The following CSMD3 variants were observed in gnomAD, a reference collection of about 807,000 sequenced individuals.
CSMD3 encodes CUB and sushi domain-containing protein 3.
Under a neutral mutation model 435.2 loss-of-function variants are expected in CSMD3, and 177 were observed. The observed-to-expected ratio is 0.41, with a 90% CI of 0.36 to 0.46. The LOEUF is 0.46. CSMD3 is among the 20% of genes least tolerant of loss of function. The pLI is 0.34. For missense variants in CSMD3, 4,265 were observed against 4,504.6 expected, an observed-to-expected ratio of 0.95 and a Z score of 1.52; for synonymous variants, 1,656 against 1,520.5, an observed-to-expected ratio of 1.09 and a Z score of -2.07.
At chr8:113,274,872 C>CAGGG (rs538237366) in intron 3 of CSMD3, among the ~76,000 whole-genome samples, 12 of 98,724 alleles carry the variant, frequency 1.2e-4, no homozygotes, top group South Asian at 7.6e-4. Context: ...AGGAAGGAAG[C>CAGGG]AGGGAGGGAG....
intron 13 of CSMD3, among the ~76,000 whole-genome samples, chr8:112,728,847 T>C (rs946842026): frequency 6.6e-6 from 1 of 152,098 alleles, no homozygotes; most frequent in Admixed American, 6.6e-5. Flanking sequence ...CCATACAATA[T>C]CTATATGTAC....
intron 10 of CSMD3, among the ~76,000 whole-genome samples, chr8:112,894,631 A>G (rs1179174901): frequency 6.6e-6 from 1 of 151,360 alleles, no homozygotes; most frequent in Non-Finnish European, 1.5e-5. Flanking sequence ...TCTGATATAT[A>G]TAATTCAATA....
chr8:113,085,249 A>C (rs1224258527), intron 5 of CSMD3, among the ~76,000 whole-genome samples: 4 of 149,286 alleles, frequency 2.7e-5, no homozygotes, highest in African/African-American at 5.1e-5. Context: ...CCAAAAAAAA[A>C]CCACCCACAA....
chr8:112,694,027 T>A (rs960788820), intron 13 of CSMD3, among the ~76,000 whole-genome samples: 5 of 150,496 alleles, frequency 3.3e-5, no homozygotes, highest in African/African-American at 1.2e-4. Flanking sequence ...TTAATGACTT[T>A]AATGATTGTT....
At chr8:112,234,619 A>G in intron 67 of CSMD3, 142 bp from the exon 68 acceptor site, 3 of 648,860 alleles carry the variant, frequency 4.6e-6, no homozygotes, top group Non-Finnish European at 2.7e-6. Flanking sequence ...AGGATGGCTT[A>G]ACCTATAATG....
intron 1 of CSMD3, among the ~76,000 whole-genome samples, chr8:113,315,609 A>G (rs1325878375): frequency 3.4e-5 from 5 of 148,666 alleles, no homozygotes; most frequent in African/African-American, 7.3e-5. Flanking sequence ...TATTAAATAT[A>G]TATCTCAAAT....
intron 38 of CSMD3, among the ~76,000 whole-genome samples, chr8:112,365,946 G>T (rs1052134760): frequency 6.6e-6 from 1 of 152,096 alleles, no homozygotes; most frequent in African/African-American, 2.4e-5. Flanking sequence ...AAACTTTTGT[G>T]CCCAGATCAG....
intron 32 of CSMD3, among the ~76,000 whole-genome samples, chr8:112,461,754 A>G (rs561866381): frequency 6.6e-6 from 1 of 152,304 alleles, no homozygotes; most frequent in African/African-American, 2.4e-5. Context: ...TACAGAGAAG[A>G]ATGTAGCATG....
chr8:113,070,862 G>A lies in CSMD3; in HGVS notation c.917+27894C>T, dbSNP rs149115832. Reference sequence around the variant, plus strand: ...AGATGTGAGATTGCTGGATCATATAGTAATTCTACTTACAATTTTTTGAGG... The same window carrying A: ...AGATGTGAGATTGCTGGATCATATAATAATTCTACTTACAATTTTTTGAGG... On this transcript the variant is annotated intron_variant, in intron 5 of 70. Coordinates refer to ENST00000297405, the MANE Select transcript of CSMD3 (RefSeq NM_198123.2). 5.9e-3 allele frequency among the ~76,000 whole-genome samples: 892 copies of A among 152,092 alleles called. 4 individuals are homozygous for A. Among genetic ancestry groups the A allele is most frequent in the African/African-American group, 0.019 (795 of 41,508 alleles).
chr8:112,331,901 A>T (rs1393556565), intron 45 of CSMD3, among the ~76,000 whole-genome samples: 1 of 152,088 alleles, frequency 6.6e-6, no homozygotes, highest in Non-Finnish European at 1.5e-5. Flanking sequence ...TTTTACTATT[A>T]TGAGATTTCC....
At chr8:113,220,695 C>A (rs1446583877) in intron 3 of CSMD3, among the ~76,000 whole-genome samples, 2 of 151,216 alleles carry the variant, frequency 1.3e-5, no homozygotes, top group African/African-American at 4.8e-5. Flanking sequence ...AATCTAGGAG[C>A]TTTTTAAGAG....
At chr8:112,743,172 G>T (rs530044675) in intron 13 of CSMD3, among the ~76,000 whole-genome samples, 38 of 151,878 alleles carry the variant, frequency 2.5e-4, no homozygotes, top group African/African-American at 8.9e-4. Context: ...AAATAAAAAT[G>T]ATATTAAAAA....
Position 112,224,719 on chromosome 8 carries a change from AC to A in CSMD3, c.*51del, listed in dbSNP as rs1373969063. 1 of 1,586,648 alleles carries A rather than the reference AC, an allele frequency of 6.3e-7. No individual in the cohort carries two copies. The highest frequency in any genetic ancestry group is 1.7e-5 in the Admixed American group (1 of 59,958). ...TTGTTTAGCAGTGAACTAAATGTGC[AC>A]TGTTTTGTGTGTCGATTTCCAAGCT... is the stretch of plus-strand genomic sequence containing the variant. On this transcript the variant is annotated 3_prime_UTR_variant, in exon 71 of 71. Transcript: ENST00000297405.
At chr8:113,052,080 A>T (rs1245996207) in intron 5 of CSMD3, among the ~76,000 whole-genome samples, 2 of 152,232 alleles carry the variant, frequency 1.3e-5, no homozygotes, top group Non-Finnish European at 2.9e-5. Flanking sequence ...ATTAATAAAC[A>T]CTAACTTTAC....
rs940495791 is a variant in CSMD3, at chr8:112,679,960, G to A, written c.2677+2482C>T. 4.6e-5 allele frequency among the ~76,000 whole-genome samples: 7 copies of A among 152,174 alleles called. No homozygotes were observed. In the South Asian group the frequency reaches 1.4e-3, roughly 31 times the overall value. On this transcript the variant is annotated intron_variant, in intron 16 of 70. Coordinates refer to ENST00000297405, the MANE Select transcript of CSMD3 (RefSeq NM_198123.2). The stretch of plus-strand genomic sequence containing the variant: ...TCTGGACTTCTCTAGTCATTCATCA[G>A]ATCCAACTCACTGTGTCCTCCCCTG...
chr8:113,276,837 T>C (rs2093574795), intron 3 of CSMD3, among the ~76,000 whole-genome samples: 1 of 152,062 alleles, frequency 6.6e-6, no homozygotes, highest in African/African-American at 2.4e-5. Flanking sequence ...GTATCCTATA[T>C]TTTAAGTCAG....
rs114807163 is a variant in CSMD3 at position 112,892,494 on chromosome 8, A to G, written c.1633+29133T>C. 2.3e-3 allele frequency among the ~76,000 whole-genome samples: 352 copies of G among 151,690 alleles called. 1 individual carries two copies. The highest frequency in any genetic ancestry group is 8.1e-3 in the African/African-American group (337 of 41,484). On this transcript the variant is annotated intron_variant, in intron 10 of 70. Coordinates refer to ENST00000297405, the MANE Select transcript of CSMD3 (RefSeq NM_198123.2). ...CCAACAAATGAGTCCTACATATATG[A>G]AGTTTTACTGCCCTTCAATAAAAGG...
intron 19 of CSMD3, among the ~76,000 whole-genome samples, chr8:112,646,640 G>A (rs934732004): frequency 3.9e-5 from 6 of 152,038 alleles, no homozygotes; most frequent in Admixed American, 3.9e-4. Flanking sequence ...TAGGAGGAAT[G>A]GTCAACAACT....
chr8:112,875,114 T>C lies in CSMD3; in HGVS notation c.1634-15848A>G, dbSNP rs117801298. 5.0e-3 allele frequency among the ~76,000 whole-genome samples: 759 copies of C among 152,272 alleles called. 7 individuals are homozygous for C. Among genetic ancestry groups the C allele is most frequent in the East Asian group, 0.042 (219 of 5,160 alleles). ...AGGAGCTCTTGTAAATCAGGCCTCA[T>C]GGTGACAAAATCTCTCAGAATTTCC... On this transcript the variant is annotated intron_variant, in intron 10 of 70. Transcript: ENST00000297405.
Sources: allele counts gnomAD v4.1 joint callset (sites outside exome capture counted in the v4.1 genomes callset), GRCh38; gene constraint gnomAD v4.1.1; transcripts MANE v1.5; gene names NCBI Gene and HGNC (gene_info 2026-07-23, HGNC 2026-07-21).